LRMDA: variants seen among roughly 807,000 people sequenced by gnomAD.
LRMDA encodes leucine-rich melanocyte differentiation-associated protein.
In LRMDA, 18 loss-of-function variants were observed where a neutral mutation model predicts 29.8. That is an observed-to-expected ratio of 0.60 (90% confidence interval 0.42 to 0.90). LRMDA has a LOEUF of 0.90. Among genes scored for constraint, LRMDA ranks in the 40% least tolerant of loss-of-function variants. LRMDA has a pLI of 0.00. For missense variants in LRMDA, 273 were observed against 273.9 expected (o/e 1.00, Z 0.02); for synonymous variants, 125 against 109.4 (o/e 1.14, Z -0.89).
chr10:76,525,380 T>A (rs1843163724), intron 6 of LRMDA, among the ~76,000 whole-genome samples: 1 of 152,178 alleles, frequency 6.6e-6, no homozygotes, highest in African/African-American at 2.4e-5. Flanking sequence ...CATGATGACA[T>A]CTCACCCACT....
chr10:76,298,938 C>T (rs1238903275), intron 5 of LRMDA, among the ~76,000 whole-genome samples: 1 of 152,140 alleles, frequency 6.6e-6, no homozygotes, highest in African/African-American at 2.4e-5. Context: ...ATTTTCCTTA[C>T]AGCTCCAAAA....
chr10:76,382,327 T>A (rs1383308428), intron 6 of LRMDA, among the ~76,000 whole-genome samples: 2 of 152,186 alleles, frequency 1.3e-5, no homozygotes, highest in Non-Finnish European at 2.9e-5. Flanking sequence ...TCTAGTTGAG[T>A]TATGAGTTGA....
intron 2 of LRMDA, among the ~76,000 whole-genome samples, chr10:75,987,416 C>T (rs1457801219): frequency 6.6e-6 from 1 of 152,176 alleles, no homozygotes; most frequent in Non-Finnish European, 1.5e-5. Flanking sequence ...CAGAAGCTGC[C>T]CCCACCAAAG....
intron 5 of LRMDA, among the ~76,000 whole-genome samples, chr10:76,105,705 T>G (rs1589328958): frequency 6.6e-6 from 1 of 152,254 alleles, no homozygotes; most frequent in East Asian, 1.9e-4. Context: ...CTTCTTGATT[T>G]CAGAAACCTG....
intron 5 of LRMDA, among the ~76,000 whole-genome samples, chr10:76,224,667 C>CTTT (rs35143239): frequency 0.13 from 13,144 of 105,086 alleles, 995 homozygotes; most frequent in East Asian, 0.29. Flanking sequence ...GTCTAGGACT[C>CTTT]TTTTTTTTTT....
intron 2 of LRMDA, among the ~76,000 whole-genome samples, chr10:75,565,625 T>C (rs978763411): frequency 6.6e-6 from 1 of 152,238 alleles, no homozygotes; most frequent in Non-Finnish European, 1.5e-5. Flanking sequence ...AGGAAGGCTC[T>C]TCTAGAAGGA....
At chr10:76,252,103 C>T (rs1852495659) in intron 5 of LRMDA, among the ~76,000 whole-genome samples, 1 of 152,114 alleles carries the variant, frequency 6.6e-6, no homozygotes, top group African/African-American at 2.4e-5. Flanking sequence ...CAGAATTATA[C>T]CCCCAACGCT....
chr10:76,451,901 C>T (rs1354411717), intron 6 of LRMDA, among the ~76,000 whole-genome samples: 1 of 152,124 alleles, frequency 6.6e-6, no homozygotes, highest in Non-Finnish European at 1.5e-5. Flanking sequence ...AGGTGATCTG[C>T]CCACCTCGGC....
At chr10:75,725,730 T>C (rs1260844968) in intron 2 of LRMDA, among the ~76,000 whole-genome samples, 1 of 152,204 alleles carries the variant, frequency 6.6e-6, no homozygotes, top group East Asian at 1.9e-4. Context: ...TGTAACTTAG[T>C]CTAAATTCAA....
In LRMDA at chr10:75,456,189, G is replaced by T. The variant is rs529967706; in HGVS notation, c.131+17695G>T. 3.3e-5 allele frequency among the ~76,000 whole-genome samples: 5 copies of T among 152,326 alleles called. No homozygotes were observed. The South Asian group carries it at 6.2e-4, about 19-fold the overall frequency. On this transcript the variant is annotated intron_variant, in intron 2 of 6. Transcript: ENST00000611255. Reference sequence around the variant, plus strand: ...AGCCACCTCCAGCGGGTGGAGGGCAGCCCATTCCCAGGCTGAGCAGGGCCT... The same window carrying T: ...AGCCACCTCCAGCGGGTGGAGGGCATCCCATTCCCAGGCTGAGCAGGGCCT...
chr10:76,295,806 A>G (rs1840404418), intron 5 of LRMDA, among the ~76,000 whole-genome samples: 1 of 152,126 alleles, frequency 6.6e-6, no homozygotes, highest in African/African-American at 2.4e-5. Flanking sequence ...TTGCAATGGA[A>G]ATCCTACCAT....
chr10:75,439,208 C>T (rs537206417), intron 2 of LRMDA, among the ~76,000 whole-genome samples: 1 of 152,280 alleles, frequency 6.6e-6, no homozygotes, highest in South Asian at 2.1e-4. Flanking sequence ...GTAAGAGGTA[C>T]TTGGAAAGCA....
intron 6 of LRMDA, among the ~76,000 whole-genome samples, chr10:76,406,088 G>C (rs377023318): frequency 6.6e-6 from 1 of 152,190 alleles, no homozygotes; most frequent in Non-Finnish European, 1.5e-5. Context: ...AGCGGTGATG[G>C]AGCTCATTTA....
chr10:75,663,916 C>T lies in LRMDA; in HGVS notation c.131+225422C>T, dbSNP rs182179619. 3.5e-3 allele frequency among the ~76,000 whole-genome samples: 534 copies of T among 152,280 alleles called. 20 individuals carry two copies. Among genetic ancestry groups the T allele is most frequent in the Admixed American group, 0.034 (528 of 15,306 alleles). On this transcript the variant is annotated intron_variant, in intron 2 of 6. Coordinates refer to ENST00000611255, the MANE Select transcript of LRMDA (RefSeq NM_001305581.2). ...AAACAAAATTCAACACTTGTCTTGA[C>T]TATAGGGCTCCTTAGAATATACTCA...
At chr10:76,224,977 A>G (rs1851924247) in intron 5 of LRMDA, among the ~76,000 whole-genome samples, 2 of 152,062 alleles carry the variant, frequency 1.3e-5, no homozygotes, top group South Asian at 4.2e-4. Context: ...TGGTTCTGTT[A>G]TGACTCCATC....
chr10:75,977,206 C>T (rs1183234416), intron 2 of LRMDA, among the ~76,000 whole-genome samples: 1 of 150,214 alleles, frequency 6.7e-6, no homozygotes, highest in Non-Finnish European at 1.5e-5. Context: ...TATGTATTTA[C>T]TTCAAGTTTT....
intron 5 of LRMDA, among the ~76,000 whole-genome samples, chr10:76,103,493 AG>A (rs779819460): frequency 3.8e-4 from 58 of 152,286 alleles, no homozygotes; most frequent in Non-Finnish European, 6.8e-4. Flanking sequence ...CATTTCCAGC[AG>A]GGGGTTCTGT....
chr10:75,660,192 A>C (rs1435069588), intron 2 of LRMDA, among the ~76,000 whole-genome samples: 1 of 152,168 alleles, frequency 6.6e-6, no homozygotes, highest in African/African-American at 2.4e-5. Context: ...TTACTCTTAA[A>C]ATAAAGCCTT....
chr10:75,865,714 TC>T (rs774737876), intron 2 of LRMDA, among the ~76,000 whole-genome samples: 4 of 152,206 alleles, frequency 2.6e-5, no homozygotes, highest in Non-Finnish European at 5.9e-5. Context: ...AATGTTCCCT[TC>T]TCCTGCCATT....
Sources: allele counts gnomAD v4.1 joint callset (sites outside exome capture counted in the v4.1 genomes callset), GRCh38; gene constraint gnomAD v4.1.1; transcripts MANE v1.5; gene names NCBI Gene and HGNC (gene_info 2026-07-23, HGNC 2026-07-21).